SPTLC3: variants seen among roughly 807,000 people sequenced by gnomAD.
SPTLC3 encodes the protein serine palmitoyltransferase 3.
SPTLC3 carries 36 observed loss-of-function variants against 59.3 expected under a neutral mutation model. The observed-to-expected ratio is 0.61, with a 90% confidence interval of 0.47 to 0.80. The LOEUF is 0.80. Ranked by LOEUF, SPTLC3 falls within the 30% of genes least tolerant of loss-of-function variation. The pLI is 0.00. For missense variants in SPTLC3, 625 were observed against 685.1 expected (o/e 0.91, Z 0.98); for synonymous variants, 257 against 240.8 (o/e 1.07, Z -0.62).
chr20:13,153,341 T>C (rs1192715730), intron 9 of SPTLC3, among the ~76,000 whole-genome samples: 1 of 152,156 alleles, frequency 6.6e-6, no homozygotes, highest in Non-Finnish European at 1.5e-5. Flanking sequence ...CATGGACCCA[T>C]GTATGTACTT....
At chr20:13,105,578 C>T (rs1271480348) in intron 6 of SPTLC3, among the ~76,000 whole-genome samples, 2 of 152,110 alleles carry the variant, frequency 1.3e-5, no homozygotes, top group Non-Finnish European at 2.9e-5. Context: ...GTTTATGTGA[C>T]CTTTTTGGTG....
intron 2 of SPTLC3, among the ~76,000 whole-genome samples, chr20:13,051,250 G>A (rs1445947095): frequency 6.6e-5 from 10 of 152,116 alleles, no homozygotes; most frequent in African/African-American, 2.4e-4. Flanking sequence ...GTGGAAAGAG[G>A]CATTTCATGC....
At chr20:13,034,762 A>G (rs1986659003) in intron 1 of SPTLC3, among the ~76,000 whole-genome samples, 2 of 152,016 alleles carry the variant, frequency 1.3e-5, no homozygotes, top group Admixed American at 6.6e-5. Context: ...TCAGTTCTAC[A>G]TGTAAAAACA....
intron 3 of SPTLC3, among the ~76,000 whole-genome samples, chr20:13,073,010 G>C (rs1351641567): frequency 6.6e-6 from 1 of 152,160 alleles, no homozygotes; most frequent in Non-Finnish European, 1.5e-5. Context: ...GATCAAATCA[G>C]TGTACTTGGG....
At chr20:13,140,526 C>T (rs963015911) in intron 9 of SPTLC3, among the ~76,000 whole-genome samples, 1 of 152,098 alleles carries the variant, frequency 6.6e-6, no homozygotes, top group South Asian at 2.1e-4. Flanking sequence ...GAATATGATT[C>T]CGATTAACAT....
At chr20:13,086,433 A>T (rs1989006888) in intron 4 of SPTLC3, among the ~76,000 whole-genome samples, 1 of 152,206 alleles carries the variant, frequency 6.6e-6, no homozygotes, top group African/African-American at 2.4e-5. Context: ...GACTTCCTGA[A>T]GTAGAAGTGG....
At chr20:13,039,749 A>G (rs948686304) in intron 1 of SPTLC3, among the ~76,000 whole-genome samples, 1 of 151,950 alleles carries the variant, frequency 6.6e-6, no homozygotes, top group Non-Finnish European at 1.5e-5. Flanking sequence ...TGATATTTTC[A>G]TTATTTTAAT....
chr20:13,062,473 G>A (rs1988012411), intron 2 of SPTLC3, among the ~76,000 whole-genome samples: 1 of 152,178 alleles, frequency 6.6e-6, no homozygotes, highest in African/African-American at 2.4e-5. Context: ...GTATAATACA[G>A]AAACATATAT....
intron 1 of SPTLC3, among the ~76,000 whole-genome samples, chr20:13,046,048 G>A (rs920723953): frequency 1.3e-5 from 2 of 152,196 alleles, no homozygotes; most frequent in African/African-American, 4.8e-5. Flanking sequence ...CATTCTCTAA[G>A]TCAGCCAAAG....
chr20:13,160,992 C>T (rs915947891), intron 11 of SPTLC3, among the ~76,000 whole-genome samples: 6 of 151,972 alleles, frequency 3.9e-5, no homozygotes, highest in Non-Finnish European at 7.4e-5. Context: ...ATGAAATAAA[C>T]GTGACAAATG....
At chr20:13,033,210 C>T (rs1986578319) in intron 1 of SPTLC3, among the ~76,000 whole-genome samples, 1 of 152,104 alleles carries the variant, frequency 6.6e-6, no homozygotes, top group Non-Finnish European at 1.5e-5. Flanking sequence ...AAGAATTTAA[C>T]AATATTCTGA....
chr20:13,074,554 C>A, intron 4 of SPTLC3, 57 bp downstream of exon 4: 3 of 1,544,702 alleles, frequency 1.9e-6, no homozygotes, highest in South Asian at 1.2e-5. Flanking sequence ...TTCCTTGTGT[C>A]TGTCTCTCAA....
chr20:13,085,771 T>TCAAGAAA (rs1320713365), intron 4 of SPTLC3, among the ~76,000 whole-genome samples: 1 of 152,184 alleles, frequency 6.6e-6, no homozygotes, highest in African/African-American at 2.4e-5. Flanking sequence ...GATAGAATAT[T>TCAAGAAA]GGTACTTTAT....
At chr20:13,118,647 T>G (rs1048770536) in intron 8 of SPTLC3, among the ~76,000 whole-genome samples, 8 of 152,048 alleles carry the variant, frequency 5.3e-5, no homozygotes, top group African/African-American at 1.9e-4. Flanking sequence ...AGAGCAGATG[T>G]GACAGTGATG....
At chr20:13,037,793 G>A (rs1199364318) in intron 1 of SPTLC3, among the ~76,000 whole-genome samples, 1 of 152,090 alleles carries the variant, frequency 6.6e-6, no homozygotes, top group Non-Finnish European at 1.5e-5. Context: ...TTAACCATGA[G>A]TTTTATTCGT....
intron 1 of SPTLC3, among the ~76,000 whole-genome samples, chr20:13,027,742 T>C (rs1027721627): frequency 6.6e-6 from 1 of 152,080 alleles, no homozygotes; most frequent in African/African-American, 2.4e-5. Context: ...TCAGTCTTAC[T>C]AAAATTTTAA....
chr20:13,104,143 A>G (rs714985), intron 6 of SPTLC3, among the ~76,000 whole-genome samples: 69,294 of 152,080 alleles, frequency 0.46, 19,033 homozygotes, highest in African/African-American at 0.79. Context: ...CTATGCTGGC[A>G]AAAGGCTAGG....
rs1988554926 is a variant in SPTLC3 at position 13,074,201 on chromosome 20, G to T, written c.459-148G>T. 4.8e-6 allele frequency: 5 copies of T among 1,052,230 alleles called. No individual in the cohort carries two copies. The Admixed American group carries it at 7.2e-5, about 15-fold the overall frequency. The allele number at this position is 1,052,230 out of a possible 1,614,324, so 65.2% of individuals were successfully genotyped here. On this transcript the variant is annotated intron_variant, in intron 3 of 11. Coordinates refer to ENST00000399002, the MANE Select transcript of SPTLC3 (RefSeq NM_018327.4). The stretch of plus-strand genomic sequence containing the variant: ...GACTGAACCACCTCCTGCCAGCTCT[G>T]TTCCACCTCACAGATCTGAGCTGCC...
chr20:13,085,727 A>C (rs991908757), intron 4 of SPTLC3, among the ~76,000 whole-genome samples: 2 of 152,246 alleles, frequency 1.3e-5, no homozygotes, highest in Non-Finnish European at 2.9e-5. Context: ...AGTCAGTATC[A>C]ATAAAAATTC....
Sources: gnomAD v4.1 joint callset for allele counts (sites outside exome capture counted in the v4.1 genomes callset) on GRCh38, gnomAD v4.1.1 for gene constraint, MANE v1.5 for transcripts, NCBI Gene and HGNC (gene_info 2026-07-23, HGNC 2026-07-21) for gene names.